RAP1GAP2: variants seen among roughly 807,000 people sequenced by gnomAD.
RAP1GAP2 encodes rap1 GTPase-activating protein 2.
In RAP1GAP2, 27 loss-of-function variants were observed where a neutral mutation model predicts 95.0. That is an observed-to-expected ratio of 0.28 (90% CI 0.21 to 0.39). The LOEUF (loss-of-function observed/expected upper bound fraction) is 0.39, where lower values mean the gene tolerates loss of function less well. Ranked by LOEUF, RAP1GAP2 falls within the 10% of genes least tolerant of loss-of-function variation. The pLI, the probability that RAP1GAP2 is intolerant of heterozygous loss-of-function variation, is 1.00. For missense variants in RAP1GAP2, 771 were observed against 970.0 expected (o/e 0.79, Z 2.72); for synonymous variants, 373 against 380.9 (o/e 0.98, Z 0.24).
intron 3 of RAP1GAP2, among the ~76,000 whole-genome samples, chr17:2,922,090 A>G (rs1442560381): frequency 1.3e-5 from 2 of 152,202 alleles, no homozygotes; most frequent in African/African-American, 4.8e-5. Context: ...ATAGCCATTT[A>G]TTTCTCACCA....
At chr17:2,983,520 A>G (rs4790405) in intron 10 of RAP1GAP2, among the ~76,000 whole-genome samples, 19,145 of 152,262 alleles carry the variant, frequency 0.13, 1,492 homozygotes, top group Admixed American at 0.19. Context: ...GTAGCAAATA[A>G]TTACTTCATT....
intron 17 of RAP1GAP2, among the ~76,000 whole-genome samples, chr17:3,015,701 C>T (rs1181776885): frequency 6.6e-6 from 1 of 152,124 alleles, no homozygotes; most frequent in African/African-American, 2.4e-5. Context: ...CCTGTAGTCC[C>T]AGCTACTCGG....
intron 1 of RAP1GAP2, among the ~76,000 whole-genome samples, chr17:2,764,913 G>C (rs1466949814): frequency 6.6e-6 from 1 of 152,160 alleles, no homozygotes; most frequent in Non-Finnish European, 1.5e-5. Flanking sequence ...CTCCCACAGA[G>C]ATGGCAAGAG....
intron 1 of RAP1GAP2, among the ~76,000 whole-genome samples, chr17:2,763,866 G>A (rs2068230412): frequency 6.6e-6 from 1 of 152,032 alleles, no homozygotes; most frequent in African/African-American, 2.4e-5. Flanking sequence ...GATGGGGTTG[G>A]AGTGGGAGAT....
At position 2,963,250 on chromosome 17, in the gene RAP1GAP2, G is replaced by A. The variant is rs2044419367; in HGVS notation, c.247-180G>A. 1.4e-6 allele frequency: 1 copy of A among 729,234 alleles called. No homozygotes were observed. Among genetic ancestry groups the A allele is most frequent in the Non-Finnish European group, 2.4e-6 (1 of 420,102 alleles). 45.2% of individuals were successfully genotyped at this position (729,234 alleles called of 1,614,324 possible). ...CAGGGTTTATGTTTGGGTTCTGTCA[G>A]TTTGGAGAAGAACATGGGGGATGTT... On this transcript the variant is annotated intron_variant, in intron 5 of 24. Transcript: ENST00000254695. The surrounding 1 kb of genome is among the most constrained non-coding windows in gnomAD (Gnocchi z 4.8).
Position 2,904,859 on chromosome 17 carries a change from C to T in RAP1GAP2, c.81-425C>T, listed in dbSNP as rs972696123. 4.6e-5 allele frequency among the ~76,000 whole-genome samples: 7 copies of T among 151,856 alleles called. No homozygotes were observed. The highest frequency in any genetic ancestry group is 7.3e-5 in the African/African-American group (3 of 41,326). On this transcript the variant is annotated intron_variant, in intron 2 of 24. Coordinates refer to ENST00000254695, the MANE Select transcript of RAP1GAP2 (RefSeq NM_015085.5). This position sits in a 1 kb window ranked among gnomAD's most constrained non-coding sequence, Gnocchi z 4.7. ...GGTGCATTGGAGTAAAGAAAATGCT[C>T]CCAATTCTGGTTTCTGCATTGTATT...
At chr17:3,021,443 T>C (rs1258733779) in intron 19 of RAP1GAP2, among the ~76,000 whole-genome samples, 7 of 93,888 alleles carry the variant, frequency 7.5e-5, no homozygotes, top group Non-Finnish European at 1.6e-4. Context: ...TTTTTTTTTT[T>C]TTTTTTTTTT....
intron 17 of RAP1GAP2, among the ~76,000 whole-genome samples, chr17:3,009,652 G>A (rs1301195415): frequency 6.6e-6 from 1 of 152,204 alleles, no homozygotes; most frequent in African/African-American, 2.4e-5. Context: ...TCCTACCCTA[G>A]TTGGGGCCAG....
chr17:2,846,917 T>G (rs2071612168), intron 2 of RAP1GAP2, among the ~76,000 whole-genome samples: 1 of 139,918 alleles, frequency 7.1e-6, no homozygotes, highest in Non-Finnish European at 1.6e-5. Context: ...CCTAACTGCA[T>G]TTTAGCTCAC....
At chr17:2,907,752 C>T (rs139098458) in intron 3 of RAP1GAP2, among the ~76,000 whole-genome samples, 4 of 152,214 alleles carry the variant, frequency 2.6e-5, no homozygotes, top group Non-Finnish European at 2.9e-5. Context: ...GCACCATTTG[C>T]GAGCCCCTTA....
At position 2,871,557 on chromosome 17, in the gene RAP1GAP2, C is replaced by A. The variant is rs536115634; in HGVS notation, c.81-33727C>A. ...GAGGGAGAGGCAACAGCGGTAGGGC[C>A]AGCAAACACCATAGACAAAAGCTGC... is the stretch of plus-strand genomic sequence containing the variant. On this transcript the variant is annotated intron_variant, in intron 2 of 24. Coordinates refer to ENST00000254695, the MANE Select transcript of RAP1GAP2 (RefSeq NM_015085.5). The surrounding 1 kb of genome is among the most constrained non-coding windows in gnomAD (Gnocchi z 5.0). Among the ~76,000 whole-genome samples, 3 of 152,284 alleles carry A rather than the reference C, an allele frequency of 2.0e-5. No individual in the cohort carries two copies. The highest frequency in any genetic ancestry group is 2.0e-4 in the Admixed American group (3 of 15,298).
chr17:2,956,159 C>T (rs1431616317), intron 3 of RAP1GAP2, among the ~76,000 whole-genome samples: 1 of 152,234 alleles, frequency 6.6e-6, no homozygotes, highest in Non-Finnish European at 1.5e-5. Context: ...GTGGGTGGTG[C>T]ATGTGCACCT....
In RAP1GAP2 at chr17:2,801,216, T is replaced by G. The variant is rs562778360; in HGVS notation, c.80+666T>G. On this transcript the variant is annotated intron_variant, in intron 2 of 24. Coordinates refer to ENST00000254695, the MANE Select transcript of RAP1GAP2 (RefSeq NM_015085.5). ...TGGGCTGGGCATGGTGGCTCACACC[T>G]GTAATCCCAGCACTTTGGGAGGCCG... Among the ~76,000 whole-genome samples the G allele has an allele frequency of 2.0e-4, 30 of 150,994 alleles. No individual in the cohort carries two copies. In the East Asian group the frequency reaches 5.6e-3, roughly 28 times the overall value.
At chr17:2,807,374 A>T (rs1447618895) in intron 2 of RAP1GAP2, among the ~76,000 whole-genome samples, 1 of 152,148 alleles carries the variant, frequency 6.6e-6, no homozygotes, top group Non-Finnish European at 1.5e-5. Context: ...CTCTTCTCCT[A>T]CACACCTAGG....
intron 3 of RAP1GAP2, among the ~76,000 whole-genome samples, chr17:2,926,412 A>G (rs2042956422): frequency 6.6e-6 from 1 of 152,204 alleles, no homozygotes; most frequent in Non-Finnish European, 1.5e-5. Flanking sequence ...GGAGCAGCTC[A>G]GAGCTTCAAG....
intron 3 of RAP1GAP2, among the ~76,000 whole-genome samples, chr17:2,938,330 G>T (rs77365124): frequency 0.035 from 5,335 of 152,178 alleles, 190 homozygotes; most frequent in African/African-American, 0.087. Context: ...ACACCACACT[G>T]CCTTGTTTTG....
chr17:2,916,969 G>A (rs952627589), intron 3 of RAP1GAP2, among the ~76,000 whole-genome samples: 16 of 152,214 alleles, frequency 1.1e-4, no homozygotes, highest in East Asian at 5.8e-4. Flanking sequence ...CGGCCTAGGC[G>A]TCTAGGCCAG....
chr17:2,975,370 T>C (rs2045066879), intron 8 of RAP1GAP2, among the ~76,000 whole-genome samples: 1 of 152,142 alleles, frequency 6.6e-6, no homozygotes, highest in African/African-American at 2.4e-5. Flanking sequence ...ATAAGAGACA[T>C]ACCTAAAGAA....
In RAP1GAP2 at chr17:2,980,314, G is replaced by C; in HGVS notation, c.624G>C (p.Arg208=). The C allele has an allele frequency of 6.2e-7, 1 of 1,613,868 alleles. No homozygotes were observed. The highest frequency in any genetic ancestry group is 2.2e-5 in the East Asian group (1 of 44,840). The change falls in exon 9 of 25, where the codon CGG becomes CGC. Residue 208 remains arginine (R), a synonymous_variant. Transcript: ENST00000254695. The stretch of plus-strand genomic sequence containing the variant: ...CCAAACTGAAGACGGTACATGAGCG[G>C]ATCCCCTTGGCTGGACTGAGCAAGC... The part of the protein sequence containing the change: ...LRSKLKTVHE[R]IPLAGLSKLP...
Sources: gnomAD v4.1 joint callset for allele counts (sites outside exome capture counted in the v4.1 genomes callset) on GRCh38, gnomAD v4.1.1 for gene constraint, Gnocchi (gnomAD v3.1) non-coding constraint, MANE v1.5 for transcripts, NCBI Gene and HGNC (gene_info 2026-07-23, HGNC 2026-07-21) for gene names.